Variants in KCNIP4 observed in about 807,000 individuals in gnomAD.
The protein encoded by KCNIP4 is Kv channel-interacting protein 4.
KCNIP4 carries 12 observed loss-of-function variants against 34.0 expected under a neutral mutation model. That is an observed-to-expected ratio of 0.35 (90% CI 0.23 to 0.57). The LOEUF (loss-of-function observed/expected upper bound fraction) is 0.57, where lower values mean the gene tolerates loss of function less well. KCNIP4 is among the 20% of genes least tolerant of loss of function. The pLI is 0.83. For missense variants in KCNIP4, 238 were observed against 311.7 expected (o/e 0.76, Z 1.78); for synonymous variants, 124 against 102.2 (o/e 1.21, Z -1.29).
chr4:20,842,382 G>A (rs73802364), intron 3 of KCNIP4, among the ~76,000 whole-genome samples: 2,321 of 152,064 alleles, frequency 0.015, 55 homozygotes, highest in African/African-American at 0.053. Context: ...CCTTCTGGCT[G>A]GAGCAGAGTA....
intron 1 of KCNIP4, among the ~76,000 whole-genome samples, chr4:21,734,407 AT>A (rs33916948): frequency 0.091 from 13,831 of 152,232 alleles, 2,115 homozygotes; most frequent in African/African-American, 0.32. Flanking sequence ...ACTCAGTGGA[AT>A]TCAGATAATT....
intron 1 of KCNIP4, among the ~76,000 whole-genome samples, chr4:21,127,519 C>A (rs1362298773): frequency 6.6e-6 from 1 of 152,118 alleles, no homozygotes; most frequent in Non-Finnish European, 1.5e-5. Flanking sequence ...CCTGACTCTC[C>A]GCACTCTCCC....
chr4:21,258,334 G>T (rs1400452494), intron 1 of KCNIP4, among the ~76,000 whole-genome samples: 1 of 152,170 alleles, frequency 6.6e-6, no homozygotes, highest in Non-Finnish European at 1.5e-5. Flanking sequence ...TAATGACTAA[G>T]TGAATGATTC....
At chr4:21,364,540 G>A (rs1384876611) in intron 1 of KCNIP4, among the ~76,000 whole-genome samples, 1 of 152,082 alleles carries the variant, frequency 6.6e-6, no homozygotes, top group Non-Finnish European at 1.5e-5. Flanking sequence ...ACCGGTTAAA[G>A]ATGGAAGGAC....
chr4:21,421,689 T>C (rs1362350832), intron 1 of KCNIP4, among the ~76,000 whole-genome samples: 2 of 152,222 alleles, frequency 1.3e-5, no homozygotes, highest in Non-Finnish European at 2.9e-5. Context: ...ATATCTTATG[T>C]GACCATACTT....
chr4:21,553,373 T>C (rs1029479081), intron 1 of KCNIP4, among the ~76,000 whole-genome samples: 4 of 152,126 alleles, frequency 2.6e-5, no homozygotes, highest in Admixed American at 1.3e-4. Context: ...TGTATAAAAA[T>C]ACCGGCTGTA....
intron 1 of KCNIP4, among the ~76,000 whole-genome samples, chr4:21,057,885 T>C (rs971037851): frequency 1.3e-5 from 2 of 152,164 alleles, no homozygotes; most frequent in Non-Finnish European, 1.5e-5. Flanking sequence ...GTTATCTTTA[T>C]CTCATTCAAC....
chr4:21,306,128 A>T (rs1279358489), intron 1 of KCNIP4, among the ~76,000 whole-genome samples: 2 of 152,192 alleles, frequency 1.3e-5, no homozygotes, highest in Non-Finnish European at 2.9e-5. Context: ...GACATTCTAA[A>T]AGTAGGGATG....
chr4:21,468,416 A>C (rs375382867), intron 1 of KCNIP4, among the ~76,000 whole-genome samples: 1 of 152,178 alleles, frequency 6.6e-6, no homozygotes, highest in Non-Finnish European at 1.5e-5. Context: ...ACTGCTCGCA[A>C]TCTCCAAAGA....
At chr4:21,694,245 T>A (rs190032650) in intron 1 of KCNIP4, among the ~76,000 whole-genome samples, 130 of 152,264 alleles carry the variant, frequency 8.5e-4, no homozygotes, top group African/African-American at 2.9e-3. Flanking sequence ...TATCTCCATT[T>A]ATTTAGGTGT....
chr4:21,730,901 C>T (rs528809635), intron 1 of KCNIP4, among the ~76,000 whole-genome samples: 9 of 152,014 alleles, frequency 5.9e-5, no homozygotes, highest in Admixed American at 2.0e-4. Flanking sequence ...TAGCTGGAGT[C>T]GAGGATTTTG....
chr4:21,457,951 A>G (rs1212932791), intron 1 of KCNIP4, among the ~76,000 whole-genome samples: 1 of 151,870 alleles, frequency 6.6e-6, no homozygotes, highest in Non-Finnish European at 1.5e-5. Flanking sequence ...CCTGCCCTCC[A>G]TCTTATTCCC....
chr4:20,751,048 G>T (rs185139293), intron 4 of KCNIP4, among the ~76,000 whole-genome samples: 3 of 152,260 alleles, frequency 2.0e-5, no homozygotes, highest in Admixed American at 1.3e-4. Context: ...CTTACAGGTT[G>T]TTTTTCCCGA....
chr4:21,008,558 C>T (rs1424636373), intron 1 of KCNIP4, among the ~76,000 whole-genome samples: 3 of 151,538 alleles, frequency 2.0e-5, no homozygotes, highest in Non-Finnish European at 4.4e-5. Context: ...GAGTCTCGCT[C>T]TGTCGCCCAG....
At chr4:21,701,997 C>A (rs1712892888) in intron 1 of KCNIP4, among the ~76,000 whole-genome samples, 1 of 152,054 alleles carries the variant, frequency 6.6e-6, no homozygotes, top group African/African-American at 2.4e-5. Flanking sequence ...AGTCACCATG[C>A]CCGGCCTACT....
At chr4:20,833,309 AC>A in intron 3 of KCNIP4, among the ~76,000 whole-genome samples, 1 of 152,150 alleles carries the variant, frequency 6.6e-6, no homozygotes, top group East Asian at 1.9e-4. Context: ...ACTTAGTGAA[AC>A]CCCGTCTCTA....
chr4:21,335,494 C>T (rs986185627), intron 1 of KCNIP4, among the ~76,000 whole-genome samples: 4 of 152,146 alleles, frequency 2.6e-5, no homozygotes, highest in African/African-American at 7.2e-5. Flanking sequence ...TACCAGTTGC[C>T]ACCTTACACG....
At chr4:21,115,761 A>G (rs1749624446) in intron 1 of KCNIP4, among the ~76,000 whole-genome samples, 1 of 152,232 alleles carries the variant, frequency 6.6e-6, no homozygotes, top group African/African-American at 2.4e-5. Context: ...CTGGTCTACC[A>G]CTAGTGAGTG....
intron 3 of KCNIP4, among the ~76,000 whole-genome samples, chr4:20,806,389 TCAATGCA>T (rs1378408864): frequency 3.9e-5 from 6 of 152,076 alleles, no homozygotes; most frequent in Non-Finnish European, 8.8e-5. Flanking sequence ...GGCAACTACT[TCAATGCA>T]TTTTACTCAT....
Sources: allele counts gnomAD v4.1 joint callset (sites outside exome capture counted in the v4.1 genomes callset), GRCh38; gene constraint gnomAD v4.1.1; transcripts MANE v1.5; gene names NCBI Gene and HGNC (gene_info 2026-07-23, HGNC 2026-07-21).